Variants in NCKAP5 observed in about 807,000 individuals in gnomAD.
NCKAP5 encodes nck-associated protein 5.
A neutral mutation model predicts 167.0 loss-of-function variants in NCKAP5; 92 were observed. That is an observed-to-expected ratio of 0.55 (90% CI 0.47 to 0.66). NCKAP5 has a LOEUF of 0.66. Among genes scored for constraint, NCKAP5 ranks in the 30% least tolerant of loss-of-function variants. The probability of loss-of-function intolerance (pLI) is 0.00; values close to 1 mark genes in which losing one functional copy is unlikely to be tolerated. For missense variants in NCKAP5, 2,378 were observed against 2,315.0 expected (o/e 1.03, Z -0.56); for synonymous variants, 891 against 877.4 (o/e 1.02, Z -0.27).
chr2:133,628,029 C>A, the NCKAP5 span, among the ~76,000 whole-genome samples: 3 of 152,270 alleles, frequency 2.0e-5, no homozygotes, highest in Admixed American at 1.3e-4. Flanking sequence ...AACCCACAAC[C>A]AATATCATAC....
chr2:132,674,817 TCATTATA>T (rs1436211584), intron 19 of NCKAP5, among the ~76,000 whole-genome samples: 5 of 152,194 alleles, frequency 3.3e-5, no homozygotes, highest in African/African-American at 1.2e-4. Context: ...AGTGCTTATT[TCATTATA>T]CTACTAACGT....
At chr2:133,168,983 C>T (rs2084122500) in intron 5 of NCKAP5, among the ~76,000 whole-genome samples, 1 of 152,112 alleles carries the variant, frequency 6.6e-6, no homozygotes, top group Non-Finnish European at 1.5e-5. Flanking sequence ...GCCCTGGGAC[C>T]CAGGGGACAT....
chr2:133,508,023 A>G (rs1431376411), intron 3 of NCKAP5, among the ~76,000 whole-genome samples: 1 of 152,204 alleles, frequency 6.6e-6, no homozygotes, highest in Non-Finnish European at 1.5e-5. Flanking sequence ...AGATATGAAA[A>G]TGATTTAGCT....
intron 4 of NCKAP5, among the ~76,000 whole-genome samples, chr2:133,256,070 T>C (rs1247019341): frequency 6.6e-6 from 1 of 152,198 alleles, no homozygotes; most frequent in Non-Finnish European, 1.5e-5. Flanking sequence ...AAAAGCAATC[T>C]GCTTGATGAA....
At chr2:133,147,611 G>A (rs927333274) in intron 5 of NCKAP5, among the ~76,000 whole-genome samples, 2 of 152,048 alleles carry the variant, frequency 1.3e-5, no homozygotes, top group Admixed American at 6.6e-5. Flanking sequence ...ACATAGCAGT[G>A]GTGATGTATA....
At chr2:132,721,617 C>G (rs866333494) in intron 19 of NCKAP5, among the ~76,000 whole-genome samples, 1 of 152,200 alleles carries the variant, frequency 6.6e-6, no homozygotes, top group Non-Finnish European at 1.5e-5. Context: ...TTTCTATTTT[C>G]TTTTTATACA....
chr2:132,818,565 G>C (rs990963371), intron 11 of NCKAP5, among the ~76,000 whole-genome samples: 5 of 152,166 alleles, frequency 3.3e-5, no homozygotes, highest in African/African-American at 1.2e-4. Context: ...GCGTGCGCCT[G>C]TAGTCCCAGC....
At chr2:133,012,082 C>A (rs1165429338) in intron 6 of NCKAP5, among the ~76,000 whole-genome samples, 2 of 152,088 alleles carry the variant, frequency 1.3e-5, no homozygotes, top group African/African-American at 4.8e-5. Context: ...TGGATGCCTC[C>A]TTTGTCTCCT....
At chr2:133,499,823 G>A (rs1338570564) in intron 3 of NCKAP5, among the ~76,000 whole-genome samples, 1 of 152,198 alleles carries the variant, frequency 6.6e-6, no homozygotes, top group East Asian at 1.9e-4. Context: ...CTCCCAAAGT[G>A]CTGGGATTAC....
At chr2:133,649,856 T>G in the NCKAP5 span, among the ~76,000 whole-genome samples, 1 of 151,896 alleles carries the variant, frequency 6.6e-6, no homozygotes, top group Non-Finnish European at 1.5e-5. Context: ...CTAGCCAGAG[T>G]AATTAAGCAA....
intron 8 of NCKAP5, among the ~76,000 whole-genome samples, chr2:132,917,343 C>T (rs1330358500): frequency 2.6e-5 from 4 of 152,088 alleles, no homozygotes; most frequent in South Asian, 2.1e-4. Context: ...AAGATCCATA[C>T]GTTTGGCTGC....
At chr2:133,130,476 C>A (rs1044248711) in intron 5 of NCKAP5, among the ~76,000 whole-genome samples, 1 of 152,164 alleles carries the variant, frequency 6.6e-6, no homozygotes, top group African/African-American at 2.4e-5. Context: ...ATTACCTGTT[C>A]AGAATTATTT....
the NCKAP5 span, among the ~76,000 whole-genome samples, chr2:133,580,147 G>A: frequency 2.6e-5 from 4 of 152,256 alleles, no homozygotes; most frequent in Admixed American, 1.3e-4. Flanking sequence ...TTCGGGAATT[G>A]TTTACTCATC....
the NCKAP5 span, among the ~76,000 whole-genome samples, chr2:133,586,054 T>C: frequency 1.3e-5 from 2 of 152,200 alleles, no homozygotes; most frequent in Non-Finnish European, 2.9e-5. Context: ...TTAGAGATAA[T>C]GGGCAGATTT....
At chr2:133,201,522 C>G (rs562927566) in intron 5 of NCKAP5, among the ~76,000 whole-genome samples, 2 of 152,090 alleles carry the variant, frequency 1.3e-5, no homozygotes, top group African/African-American at 4.8e-5. Flanking sequence ...ACATATATTA[C>G]ATAAAGTATA....
intron 4 of NCKAP5, among the ~76,000 whole-genome samples, chr2:133,232,370 T>C (rs1190909230): frequency 1.3e-5 from 2 of 152,158 alleles, no homozygotes; most frequent in Non-Finnish European, 2.9e-5. Context: ...CGGAATTCCA[T>C]TTAAAAAATA....
chr2:133,335,807 AT>A (rs1211667471), intron 3 of NCKAP5, among the ~76,000 whole-genome samples: 1 of 152,174 alleles, frequency 6.6e-6, no homozygotes, highest in East Asian at 1.9e-4. Flanking sequence ...ATTAGAACTG[AT>A]ATTTTATTTT....
intron 4 of NCKAP5, among the ~76,000 whole-genome samples, chr2:133,222,033 A>G (rs557027953): frequency 9.8e-5 from 15 of 152,322 alleles, no homozygotes; most frequent in South Asian, 4.1e-4. Context: ...TTGCTATGTC[A>G]GGCACTATTC....
chr2:133,411,907 T>A (rs1402256587), intron 3 of NCKAP5, among the ~76,000 whole-genome samples: 3 of 152,224 alleles, frequency 2.0e-5, no homozygotes, highest in Admixed American at 2.0e-4. Flanking sequence ...TCACCATGTC[T>A]GCTAGGTGAG....
Sources: gnomAD v4.1 joint callset for allele counts (sites outside exome capture counted in the v4.1 genomes callset) on GRCh38, gnomAD v4.1.1 for gene constraint, MANE v1.5 for transcripts, NCBI Gene and HGNC (gene_info 2026-07-23, HGNC 2026-07-21) for gene names.